The following EML6 variants were observed in gnomAD, a reference collection of about 807,000 sequenced individuals.
The protein encoded by EML6 is echinoderm microtubule-associated protein-like 6.
A neutral mutation model predicts 240.1 loss-of-function variants in EML6; 154 were observed. The ratio of observed to expected loss-of-function variants is 0.64; its 90% CI spans 0.56 to 0.73. EML6 has a LOEUF of 0.73. Among genes scored for constraint, EML6 ranks in the 30% least tolerant of loss-of-function variants. The pLI is 0.00. For synonymous variants in EML6, 1,148 were observed against 899.0 expected (o/e 1.28, Z -4.95); for missense variants, 2,964 against 2,474.6 (o/e 1.20, Z -4.20).
chr2:54,919,336 A>T (rs1009148297), intron 26 of EML6, among the ~76,000 whole-genome samples: 1 of 149,584 alleles, frequency 6.7e-6, no homozygotes, highest in African/African-American at 2.5e-5. Context: ...TTTGTATTCA[A>T]TCTCAATTAT....
intron 2 of EML6, among the ~76,000 whole-genome samples, chr2:54,799,152 C>T (rs1226693102): frequency 4.6e-5 from 7 of 152,216 alleles, no homozygotes; most frequent in African/African-American, 1.7e-4. Flanking sequence ...CCTCTGCCTC[C>T]TGAATTCAAG....
intron 2 of EML6, among the ~76,000 whole-genome samples, chr2:54,735,989 G>C (rs1683372732): frequency 1.3e-5 from 2 of 152,176 alleles, no homozygotes; most frequent in Non-Finnish European, 1.5e-5. Context: ...AAAAAGAATG[G>C]GGAAGGAGGG....
chr2:54,911,224 A>C (rs761400477), intron 25 of EML6, among the ~76,000 whole-genome samples, 182 bp downstream of exon 25: 1 of 152,202 alleles, frequency 6.6e-6, no homozygotes, highest in Non-Finnish European at 1.5e-5. Context: ...TGGATTTATC[A>C]CACCACTGGT....
intron 4 of EML6, among the ~76,000 whole-genome samples, chr2:54,819,150 A>G (rs1448874592): frequency 6.6e-6 from 1 of 152,066 alleles, no homozygotes; most frequent in African/African-American, 2.4e-5. Flanking sequence ...GGGGACCATA[A>G]TTGCTCCTTT....
At chr2:54,795,599 A>G (rs956703105) in intron 2 of EML6, among the ~76,000 whole-genome samples, 12 of 152,184 alleles carry the variant, frequency 7.9e-5, no homozygotes, top group African/African-American at 2.7e-4. Flanking sequence ...CAAGGAGCAT[A>G]TGCCCCCAGG....
chr2:54,731,405 T>C (rs560004500), intron 2 of EML6, among the ~76,000 whole-genome samples: 1 of 152,214 alleles, frequency 6.6e-6, no homozygotes, highest in Admixed American at 6.5e-5. Context: ...TTTGGGAGGC[T>C]GAGGTGGGAG....
At chr2:54,939,079 A>C (rs1031013057) in intron 28 of EML6, among the ~76,000 whole-genome samples, 3 of 152,254 alleles carry the variant, frequency 2.0e-5, no homozygotes, top group African/African-American at 7.2e-5. Flanking sequence ...TTGAATGAAT[A>C]AATGGATTCC....
chr2:54,817,281 C>A (rs191128852), intron 4 of EML6, among the ~76,000 whole-genome samples: 102 of 152,250 alleles, frequency 6.7e-4, no homozygotes, highest in African/African-American at 2.4e-3. Context: ...ATGACAACTT[C>A]GTGATTCTTT....
intron 19 of EML6, among the ~76,000 whole-genome samples, chr2:54,893,643 C>T (rs566843738): frequency 6.6e-6 from 1 of 152,332 alleles, no homozygotes; most frequent in South Asian, 2.1e-4. Flanking sequence ...ATATCAACTT[C>T]TTTTCAGTTA....
At chr2:54,957,714 A>T in intron 32 of EML6, 76 bp from the exon 33 acceptor site, 1 of 1,333,550 alleles carries the variant, frequency 7.5e-7, no homozygotes, top group Non-Finnish European at 1.0e-6. Context: ...TGGGGTGGAG[A>T]CCTCCTGGGC....
intron 16 of EML6, among the ~76,000 whole-genome samples, chr2:54,879,013 T>G (rs1262236525): frequency 7.9e-5 from 12 of 152,226 alleles, no homozygotes. Flanking sequence ...AATTGTAAAA[T>G]CATCTTTTGA....
rs1558738120 is a variant in EML6 at position 54,970,085 on chromosome 2, G to A, written c.5867G>A (p.Arg1956Gln). 1.1e-5 allele frequency: 17 copies of A among 1,551,530 alleles called. No homozygotes were observed. Among genetic ancestry groups the A allele is most frequent in the Middle Eastern group, 1.7e-4 (1 of 6,014 alleles). Reference sequence around the variant, plus strand: ...TGCCTTTTCAGTGTATTTGTGTGGCGATGTCTGTAAAATGCCAGAAGCCTC... The same window carrying A: ...TGCCTTTTCAGTGTATTTGTGTGGCAATGTCTGTAAAATGCCAGAAGCCTC... Reference protein sequence around the residue: ...GGDDCSVFVWRCL With the variant: ...GGDDCSVFVWQCL The change falls in exon 42 of 42, where the codon CGA becomes CAA. Residue 1956 changes from arginine (R) to glutamine (Q), a missense_variant. Arg to Gln is a conservative substitution (Grantham distance 43). Transcript: ENST00000356458.
intron 28 of EML6, among the ~76,000 whole-genome samples, chr2:54,940,339 A>C (rs575832256): frequency 2.0e-5 from 3 of 152,194 alleles, no homozygotes; most frequent in African/African-American, 7.2e-5. Flanking sequence ...GCTTAAAAAA[A>C]TTTTATGGGG....
intron 2 of EML6, among the ~76,000 whole-genome samples, chr2:54,802,622 TAC>T (rs2103978995): frequency 1.2e-5 from 1 of 83,230 alleles, no homozygotes; most frequent in South Asian, 3.9e-4. Context: ...TGTCTCATAC[TAC>T]TACTACTACT....
intron 28 of EML6, among the ~76,000 whole-genome samples, chr2:54,945,049 C>A (rs1166252115): frequency 7.8e-6 from 1 of 128,644 alleles, no homozygotes; most frequent in South Asian, 2.9e-4. Context: ...CACTCCTTCC[C>A]TCCTCCCTCT....
chr2:54,899,002 C>G (rs1672917917), intron 21 of EML6, among the ~76,000 whole-genome samples: 1 of 152,138 alleles, frequency 6.6e-6, no homozygotes, highest in African/African-American at 2.4e-5. Context: ...TATTAAGCAC[C>G]TTTCAGTTTT....
At chr2:54,843,167 C>G (rs1333686799) in intron 7 of EML6, among the ~76,000 whole-genome samples, 1 of 152,024 alleles carries the variant, frequency 6.6e-6, no homozygotes, top group Non-Finnish European at 1.5e-5. Flanking sequence ...TCATGAAGAC[C>G]AATTTATCAT....
intron 32 of EML6, among the ~76,000 whole-genome samples, chr2:54,956,095 T>A (rs1289921188): frequency 6.6e-6 from 1 of 152,034 alleles, no homozygotes; most frequent in African/African-American, 2.4e-5. Flanking sequence ...TGTCGTCAGG[T>A]CCTAGGTATA....
rs187825801 is a variant in EML6 at position 54,951,522 on chromosome 2, G to A, written c.4213+743G>A. 2.0e-5 allele frequency among the ~76,000 whole-genome samples: 3 copies of A among 149,266 alleles called. No homozygotes were observed. In the Admixed American group the frequency reaches 2.0e-4, roughly 10 times the overall value. ...ATCGCGCCATTGCACTCCAGCCTGAGCAACAGAGGGAGACTCTTATTTCAA... is the reference window on the plus strand; with the variant it reads ...ATCGCGCCATTGCACTCCAGCCTGAACAACAGAGGGAGACTCTTATTTCAA... On this transcript the variant is annotated intron_variant, in intron 30 of 41. Transcript: ENST00000356458.
Sources: gnomAD v4.1 joint callset for allele counts (sites outside exome capture counted in the v4.1 genomes callset) on GRCh38, gnomAD v4.1.1 for gene constraint, MANE v1.5 for transcripts, NCBI Gene and HGNC (gene_info 2026-07-23, HGNC 2026-07-21) for gene names.